The following TSN variants were observed in gnomAD, a reference collection of about 807,000 sequenced individuals.
The protein encoded by TSN is translin.
Under a neutral mutation model 29.4 loss-of-function variants are expected in TSN, and 5 were observed. The observed-to-expected ratio is 0.17, with a 90% CI of 0.09 to 0.36. The LOEUF (loss-of-function observed/expected upper bound fraction) is 0.36. Among genes scored for constraint, TSN ranks in the 10% least tolerant of loss-of-function variants. The pLI is 1.00. For missense variants in TSN, 159 were observed against 272.8 expected (o/e 0.58, Z 2.94); for synonymous variants, 106 against 102.2 (o/e 1.04, Z -0.23).
intron 5 of TSN, among the ~76,000 whole-genome samples, chr2:121,764,214 T>G: frequency 6.6e-6 from 1 of 152,144 alleles, no homozygotes; most frequent in South Asian, 2.1e-4. Context: ...GGGGTCCACT[T>G]GTAGGCTGTA....
At chr2:121,764,793 G>A (rs1026755098) in intron 5 of TSN, among the ~76,000 whole-genome samples, 1 of 152,194 alleles carries the variant, frequency 6.6e-6, no homozygotes, top group Non-Finnish European at 1.5e-5. Context: ...AGAGGTAGTG[G>A]AGCTGCTGTG....
chr2:121,756,060 A>G (rs1453026103), intron 1 of TSN: 1 of 1,003,356 alleles, frequency 1.0e-6, no homozygotes, highest in East Asian at 2.7e-5. Context: ...TCTCAGCATC[A>G]CTTGCCTCGT....
At chr2:121,759,033 A>C (rs1421928546) in intron 3 of TSN, among the ~76,000 whole-genome samples, 1 of 152,204 alleles carries the variant, frequency 6.6e-6, no homozygotes, top group Non-Finnish European at 1.5e-5. Context: ...GTGAAAAAGC[A>C]ATTAAAAAGA....
chr2:121,758,849 AAAAG>A (rs1259259781), intron 3 of TSN, 43 bp downstream of exon 3: 3 of 1,338,172 alleles, frequency 2.2e-6, no homozygotes, highest in Middle Eastern at 2.1e-4. Context: ...TTAAGTAAAA[AAAAG>A]GAGAAAAATT....
intron 5 of TSN, among the ~76,000 whole-genome samples, chr2:121,763,786 G>GA (rs957301767): frequency 3.3e-5 from 5 of 150,830 alleles, no homozygotes; most frequent in Admixed American, 6.6e-5. Flanking sequence ...AAAGTCTAAA[G>GA]AAAAAAAAAG....
intron 3 of TSN, 110 bp from the exon 4 acceptor site, chr2:121,761,299 T>G: frequency 1.3e-6 from 1 of 742,246 alleles, no homozygotes; most frequent in East Asian, 2.5e-5. Flanking sequence ...TTGTGTAAGA[T>G]TTTATTTGAA....
In TSN at chr2:121,766,076, G is replaced by A. The variant is rs2074896862; in HGVS notation, c.*709G>A. The A allele has an allele frequency of 1.3e-5, 2 of 152,236 alleles. No individual in the cohort carries two copies. The highest frequency in any genetic ancestry group is 4.1e-4 in the South Asian group (2 of 4,836). The allele number at this position is 152,236 out of a possible 1,614,324, so 9.4% of individuals were successfully genotyped here. On this transcript the variant is annotated 3_prime_UTR_variant, in exon 6 of 6. Transcript: ENST00000389682. ...TTTTAAAACACCTCTGCTTTCTGAT[G>A]TTGCCTTAATATTCTGCTATTGCAG...
chr2:121,759,949 G>A (rs2074801053), intron 3 of TSN, among the ~76,000 whole-genome samples: 3 of 152,280 alleles, frequency 2.0e-5, no homozygotes, highest in Admixed American at 2.0e-4. Flanking sequence ...GTCCCACAAA[G>A]CCTAAAATAT....
intron 1 of TSN, 32 bp from the exon 2 acceptor site, chr2:121,757,208 A>AG: frequency 6.3e-7 from 1 of 1,586,330 alleles, no homozygotes; most frequent in South Asian, 1.1e-5. Flanking sequence ...GATTCTGTTG[A>AG]GTATCTGATT....
intron 5 of TSN, 140 bp from the exon 6 acceptor site, chr2:121,764,994 G>T: frequency 2.7e-6 from 2 of 742,788 alleles, no homozygotes; most frequent in East Asian, 4.9e-5. Flanking sequence ...CTCCTGTCTT[G>T]TCTGTACTTG....
At chr2:121,756,801 C>T (rs1484412504) in intron 1 of TSN, 20 of 332,032 alleles carry the variant, frequency 6.0e-5, no homozygotes, top group Non-Finnish European at 1.1e-4. Flanking sequence ...CCCAGCTACT[C>T]GGGAGGCTGA....
intron 1 of TSN, 54 bp downstream of exon 1, chr2:121,755,899 C>T (rs934318802): frequency 2.0e-5 from 32 of 1,610,832 alleles, no homozygotes; most frequent in Middle Eastern, 1.7e-4. Flanking sequence ...AGTTGGGCCA[C>T]TTCGCCCGGC....
At chr2:121,761,545 G>T in intron 4 of TSN, 21 bp downstream of exon 4, 1 of 1,559,570 alleles carries the variant, frequency 6.4e-7, no homozygotes, top group South Asian at 1.1e-5. Flanking sequence ...TTATTAGTGG[G>T]ATCTGCAGAA....
At chr2:121,764,708 T>C (rs1267700293) in intron 5 of TSN, among the ~76,000 whole-genome samples, 1 of 152,066 alleles carries the variant, frequency 6.6e-6, no homozygotes, top group Non-Finnish European at 1.5e-5. Flanking sequence ...AAGTCTGCCT[T>C]ACTTGATTCT....
At chr2:121,756,398 AT>A (rs1432644996) in intron 1 of TSN, 3 of 243,282 alleles carry the variant, frequency 1.2e-5, no homozygotes, top group African/African-American at 7.1e-5. Flanking sequence ...ATTGTCTCGT[AT>A]TTATCTCATT....
At chr2:121,757,658 A>C in intron 2 of TSN, 1 of 234,574 alleles carries the variant, frequency 4.3e-6, no homozygotes, top group Non-Finnish European at 8.3e-6. Flanking sequence ...TTATTTTTTT[A>C]ATTTTTTTTT....
rs2074737490 is a variant in TSN at position 121,755,836 on chromosome 2, C to T, written c.57C>T (p.Asp19=). 1.2e-6 allele frequency: 2 copies of T among 1,614,016 alleles called. No individual in the cohort carries two copies. The highest frequency in any genetic ancestry group is 1.3e-5 in the African/African-American group (1 of 74,936). Residue 19 remains aspartate (D), a synonymous_variant, in exon 1 of 6, where the codon GAC becomes GAT. Transcript: ENST00000389682. ...AGGGCTTTTTGGCTGCCGAGCAGGA[C>T]ATCCGAGAGGCGAGCCCCCTCCCTT... ...ELQGFLAAEQ[D]IREEIRKVVQ... is the part of the protein sequence containing the mutation.
intron 3 of TSN, 104 bp from the exon 4 acceptor site, chr2:121,761,305 T>A (rs764713048): frequency 3.0e-4 from 227 of 757,942 alleles, no homozygotes; most frequent in Non-Finnish European, 3.4e-4. Flanking sequence ...AAGATTTTAT[T>A]TGAAAAATGA....
chr2:121,758,967 T>G (rs2074785206), intron 3 of TSN, among the ~76,000 whole-genome samples, 161 bp downstream of exon 3: 1 of 152,222 alleles, frequency 6.6e-6, no homozygotes, highest in Admixed American at 6.5e-5. Context: ...ATTGGTGATT[T>G]TATTTTTTTC....
Sources: gnomAD v4.1 joint callset for allele counts (sites outside exome capture counted in the v4.1 genomes callset) on GRCh38, gnomAD v4.1.1 for gene constraint, MANE v1.5 for transcripts, NCBI Gene and HGNC (gene_info 2026-07-23, HGNC 2026-07-21) for gene names.